The following AXDND1 variants were observed in gnomAD, a reference collection of about 807,000 sequenced individuals.
AXDND1 encodes the protein axonemal dynein light chain domain-containing protein 1.
A neutral mutation model predicts 137.5 loss-of-function variants in AXDND1; 110 were observed. The observed-to-expected ratio is 0.80, with a 90% CI of 0.69 to 0.94. AXDND1 has a LOEUF of 0.94. Among genes scored for constraint, AXDND1 ranks in the 40% least tolerant of loss-of-function variants. The pLI, the probability that AXDND1 is intolerant of heterozygous loss-of-function variation, is 0.00. For missense variants in AXDND1, 1,191 were observed against 1,169.8 expected (o/e 1.02, Z -0.26); for synonymous variants, 414 against 399.7 (o/e 1.04, Z -0.43).
At chr1:179,394,591 G>T in intron 10 of AXDND1, among the ~76,000 whole-genome samples, 1 of 77,736 alleles carries the variant, frequency 1.3e-5, no homozygotes, top group African/African-American at 4.8e-5. Flanking sequence ...CCCTGTCTCA[G>T]AAAAATAAAA....
intron 7 of AXDND1, 47 bp downstream of exon 7, chr1:179,382,803 T>C (rs1648594460): frequency 1.4e-6 from 2 of 1,393,720 alleles, no homozygotes; most frequent in South Asian, 2.5e-5. Context: ...AGAATACCTA[T>C]ATACATACAC....
chr1:179,387,801 G>T (rs1649470461), intron 9 of AXDND1, among the ~76,000 whole-genome samples: 1 of 152,148 alleles, frequency 6.6e-6, no homozygotes, highest in Non-Finnish European at 1.5e-5. Flanking sequence ...CTGGTTGGTT[G>T]GTACTGGTAC....
chr1:179,445,136 T>G lies in AXDND1; in HGVS notation c.1730T>G (p.Met577Arg). The G allele has an allele frequency of 6.2e-7, 1 of 1,612,528 alleles. No individual in the cohort carries two copies. The highest frequency in any genetic ancestry group is 8.5e-7 in the Non-Finnish European group (1 of 1,179,036). The change falls in exon 16 of 26, where the codon ATG becomes AGG. Residue 577 changes from methionine to arginine, a missense_variant. Physicochemically the swap from Met to Arg is moderately conservative, Grantham distance 91. Coordinates refer to ENST00000367618, the MANE Select transcript of AXDND1 (RefSeq NM_144696.6). ...GAGATGCCATCAGAGCGACAGTACA[T>G]GGAGGAAATTATCAAAAACATACAA... is the stretch of plus-strand genomic sequence containing the variant. ...EGEMPSERQY[M>R]EEIIKNIQKL... is the part of the protein sequence containing the mutation.
chr1:179,552,477 T>C (rs887791968), intron 25 of AXDND1: 63 of 749,786 alleles, frequency 8.4e-5, no homozygotes, highest in Middle Eastern at 3.5e-4. Context: ...TTTAATAGAG[T>C]TGTAAGGGCC....
At chr1:179,368,709 A>G in intron 2 of AXDND1, 91 bp from the exon 3 acceptor site, 1 of 1,016,244 alleles carries the variant, frequency 9.8e-7, no homozygotes, top group Non-Finnish European at 1.4e-6. Context: ...TCTCTGTTAG[A>G]AACAGATGGG....
chr1:179,411,784 G>A (rs1463514158), intron 12 of AXDND1, among the ~76,000 whole-genome samples: 1 of 151,892 alleles, frequency 6.6e-6, no homozygotes, highest in East Asian at 1.9e-4. Context: ...AAGTAGGAAA[G>A]GTGGTTCTTA....
intron 16 of AXDND1, among the ~76,000 whole-genome samples, chr1:179,447,178 G>A (rs1659855854): frequency 6.6e-6 from 1 of 152,080 alleles, no homozygotes; most frequent in Admixed American, 6.5e-5. Context: ...CTAAGTGTAT[G>A]GTTTTACCCA....
intron 16 of AXDND1, among the ~76,000 whole-genome samples, chr1:179,458,948 ATTTC>A (rs906555188): frequency 6.6e-6 from 1 of 152,040 alleles, no homozygotes; most frequent in African/African-American, 2.4e-5. Context: ...AAGATAAAAT[ATTTC>A]TTTGTGCTGA....
chr1:179,467,764 T>C (rs1663402190), intron 16 of AXDND1, among the ~76,000 whole-genome samples: 2 of 152,218 alleles, frequency 1.3e-5, no homozygotes, highest in South Asian at 4.1e-4. Flanking sequence ...CAAAATTTAC[T>C]GATGAAGGAA....
chr1:179,411,305 G>A, intron 12 of AXDND1, 39 bp downstream of exon 12: 5 of 1,595,290 alleles, frequency 3.1e-6, no homozygotes, highest in East Asian at 4.5e-5. Context: ...CTTCTTTTTT[G>A]GCTAAAGATT....
chr1:179,442,157 T>C (rs929685636), intron 15 of AXDND1, among the ~76,000 whole-genome samples: 2 of 152,140 alleles, frequency 1.3e-5, no homozygotes, highest in African/African-American at 2.4e-5. Flanking sequence ...ATTCTTTGTA[T>C]TGGGGTTTCT....
chr1:179,399,335 C>T (rs1416452010), intron 11 of AXDND1, among the ~76,000 whole-genome samples: 1 of 152,106 alleles, frequency 6.6e-6, no homozygotes, highest in Non-Finnish European at 1.5e-5. Context: ...GGAAAGGACA[C>T]CCTTTTCAAT....
chr1:179,502,945 A>G (rs1040869313), intron 20 of AXDND1, among the ~76,000 whole-genome samples: 15 of 151,750 alleles, frequency 9.9e-5, no homozygotes, highest in Admixed American at 7.2e-4. Flanking sequence ...AAAATACAAA[A>G]TTAGCCAGGC....
At chr1:179,382,488 T>G (rs1043682043) in intron 6 of AXDND1, among the ~76,000 whole-genome samples, 4 of 152,216 alleles carry the variant, frequency 2.6e-5, no homozygotes, top group Non-Finnish European at 5.9e-5. Context: ...ATTTGAACAC[T>G]TATTTTCTGG....
chr1:179,410,698 T>G (rs562697183), intron 11 of AXDND1, among the ~76,000 whole-genome samples: 1 of 152,348 alleles, frequency 6.6e-6, no homozygotes, highest in African/African-American at 2.4e-5. Flanking sequence ...ATTAAAAATT[T>G]TAGTGGCTCA....
intron 19 of AXDND1, among the ~76,000 whole-genome samples, chr1:179,492,116 G>A (rs914613544): frequency 2.0e-5 from 3 of 152,068 alleles, no homozygotes; most frequent in Non-Finnish European, 2.9e-5. Context: ...TTCTGTCACC[G>A]AGGCTAGAAT....
chr1:179,521,314 C>G (rs1470409743), intron 21 of AXDND1, among the ~76,000 whole-genome samples: 1 of 152,160 alleles, frequency 6.6e-6, no homozygotes, highest in East Asian at 1.9e-4. Flanking sequence ...CTCTCCTCCT[C>G]CTGCTGCTCT....
At chr1:179,541,387 T>G (rs1367407325) in intron 25 of AXDND1, among the ~76,000 whole-genome samples, 6 of 152,090 alleles carry the variant, frequency 3.9e-5, no homozygotes. Flanking sequence ...CAGTTGGAAA[T>G]GCAGAAATCA....
At chr1:179,389,536 G>A (rs754711799) in intron 9 of AXDND1, among the ~76,000 whole-genome samples, 4 of 152,088 alleles carry the variant, frequency 2.6e-5, no homozygotes, top group African/African-American at 4.8e-5. Context: ...ACTTGCCCAC[G>A]TCTCCCACTT....
Sources: gnomAD v4.1 joint callset for allele counts (sites outside exome capture counted in the v4.1 genomes callset) on GRCh38, gnomAD v4.1.1 for gene constraint, MANE v1.5 for transcripts, NCBI Gene and HGNC (gene_info 2026-07-23, HGNC 2026-07-21) for gene names.